Variants in NTM observed in about 807,000 individuals in gnomAD.
The protein encoded by NTM is neurotrimin.
NTM carries 13 observed loss-of-function variants against 42.1 expected under a neutral mutation model. The observed-to-expected ratio is 0.31, with a 90% confidence interval of 0.20 to 0.49. The LOEUF (loss-of-function observed/expected upper bound fraction) is 0.49, where lower values mean the gene tolerates loss of function less well. NTM is among the 20% of genes least tolerant of loss of function. NTM has a pLI of 0.99. For synonymous variants in NTM, 187 were observed against 179.2 expected, an observed-to-expected ratio of 1.04 and a Z score of -0.35; for missense variants, 373 against 452.8, an observed-to-expected ratio of 0.82 and a Z score of 1.60.
intron 2 of NTM, among the ~76,000 whole-genome samples, chr11:131,979,236 TC>T (rs1424027812): frequency 2.0e-5 from 3 of 152,200 alleles, no homozygotes; most frequent in Non-Finnish European, 4.4e-5. Flanking sequence ...GTATAATCCT[TC>T]CTTCAGTGCC....
At chr11:131,612,794 A>G (rs1427459710) in intron 1 of NTM, among the ~76,000 whole-genome samples, 1 of 152,224 alleles carries the variant, frequency 6.6e-6, no homozygotes, top group Non-Finnish European at 1.5e-5. Context: ...GGCCCCACTA[A>G]GAGCAGCCTC....
chr11:131,507,649 G>C (rs1218356205), intron 1 of NTM, among the ~76,000 whole-genome samples: 1 of 148,644 alleles, frequency 6.7e-6, no homozygotes, highest in Non-Finnish European at 1.5e-5. Flanking sequence ...ACCTTGGGCA[G>C]TATGGCCATT....
chr11:131,664,533 C>A (rs2068652008), intron 1 of NTM, among the ~76,000 whole-genome samples: 1 of 152,114 alleles, frequency 6.6e-6, no homozygotes, highest in Admixed American at 6.5e-5. Context: ...GTATGGGCCC[C>A]AGGAAATTAA....
intron 2 of NTM, among the ~76,000 whole-genome samples, chr11:132,011,905 C>G (rs967983611): frequency 6.6e-6 from 1 of 152,312 alleles, no homozygotes; most frequent in African/African-American, 2.4e-5. Flanking sequence ...AATCCCTGTT[C>G]TCTCTCAGTT....
At chr11:132,050,796 G>T (rs1566031740) in intron 2 of NTM, among the ~76,000 whole-genome samples, 2 of 152,224 alleles carry the variant, frequency 1.3e-5, no homozygotes, top group Admixed American at 1.3e-4. Flanking sequence ...AGAGGCAGAG[G>T]CGGAGCTTGC....
chr11:132,240,043 G>A (rs116074028), intron 4 of NTM, among the ~76,000 whole-genome samples: 72 of 143,952 alleles, frequency 5.0e-4, no homozygotes, highest in African/African-American at 1.7e-3. Context: ...TCCATCATCC[G>A]TCCATCCCTC....
chr11:131,648,236 G>A (rs1322565466), intron 1 of NTM, among the ~76,000 whole-genome samples: 3 of 152,134 alleles, frequency 2.0e-5, no homozygotes, highest in Non-Finnish European at 4.4e-5. Flanking sequence ...GATGTACCAT[G>A]TTTTCTTTAT....
At chr11:131,568,865 A>T (rs560370984) in intron 1 of NTM, among the ~76,000 whole-genome samples, 23 of 152,352 alleles carry the variant, frequency 1.5e-4, no homozygotes, top group Admixed American at 1.0e-3. Context: ...CCAGCTGTAT[A>T]CTTAATAGCT....
intron 4 of NTM, among the ~76,000 whole-genome samples, chr11:132,299,091 C>T (rs566152991): frequency 6.6e-6 from 1 of 152,140 alleles, no homozygotes; most frequent in South Asian, 2.1e-4. Context: ...GTCAGGAGGT[C>T]GAGACCATCC....
chr11:132,331,701 C>T (rs568791493), intron 8 of NTM, among the ~76,000 whole-genome samples: 2 of 152,266 alleles, frequency 1.3e-5, no homozygotes, highest in South Asian at 2.1e-4. Flanking sequence ...AATTATGACA[C>T]AGGGTGGTAA....
chr11:132,297,926 GTTCCACAA>G (rs2094685553), intron 4 of NTM, among the ~76,000 whole-genome samples: 2 of 152,196 alleles, frequency 1.3e-5, no homozygotes, highest in Admixed American at 1.3e-4. Flanking sequence ...GAGGTTAACA[GTTCCACAA>G]TTCTCAGATT....
intron 1 of NTM, chr11:131,605,686 C>T (rs2137472525): frequency 3.7e-6 from 2 of 537,828 alleles, no homozygotes; most frequent in East Asian, 1.5e-4. Context: ...TTTGTATGTG[C>T]CCTTTATCAG....
chr11:132,232,542 TC>T (rs1429268378), intron 4 of NTM, among the ~76,000 whole-genome samples: 1 of 152,184 alleles, frequency 6.6e-6, no homozygotes, highest in African/African-American at 2.4e-5. Flanking sequence ...AGCACTTTGG[TC>T]AGAACACTTG....
At chr11:131,556,410 T>C (rs2055417832) in intron 1 of NTM, among the ~76,000 whole-genome samples, 1 of 152,182 alleles carries the variant, frequency 6.6e-6, no homozygotes, top group African/African-American at 2.4e-5. Context: ...TTACTGGAAA[T>C]GATATTTAAT....
intron 1 of NTM, among the ~76,000 whole-genome samples, chr11:131,407,065 A>T (rs1307575552): frequency 6.6e-6 from 1 of 152,206 alleles, no homozygotes; most frequent in Non-Finnish European, 1.5e-5. Context: ...TTGAAGACGC[A>T]AGTCTGTCTC....
chr11:131,713,932 T>A (rs2077419950), intron 1 of NTM, among the ~76,000 whole-genome samples: 1 of 152,198 alleles, frequency 6.6e-6, no homozygotes, highest in African/African-American at 2.4e-5. Flanking sequence ...ACCTTTGACT[T>A]GGACTTTGTT....
intron 7 of NTM, among the ~76,000 whole-genome samples, chr11:132,323,611 G>A (rs1490546897): frequency 6.6e-6 from 1 of 152,096 alleles, no homozygotes; most frequent in African/African-American, 2.4e-5. Flanking sequence ...GGAGGAACTG[G>A]TACCATTCCT....
chr11:131,492,766 T>C (rs1355518885), intron 1 of NTM, among the ~76,000 whole-genome samples: 1 of 152,170 alleles, frequency 6.6e-6, no homozygotes, highest in Non-Finnish European at 1.5e-5. Context: ...TTGAGTACCA[T>C]GATGTGAACG....
chr11:131,767,404 A>C (rs2135875385), intron 1 of NTM, among the ~76,000 whole-genome samples: 1 of 152,294 alleles, frequency 6.6e-6, no homozygotes, highest in East Asian at 1.9e-4. Flanking sequence ...CAAAAAGAAA[A>C]AAAGAAAATC....
Sources: gnomAD v4.1 joint callset for allele counts (sites outside exome capture counted in the v4.1 genomes callset) on GRCh38, gnomAD v4.1.1 for gene constraint, MANE v1.5 for transcripts, NCBI Gene and HGNC (gene_info 2026-07-23, HGNC 2026-07-21) for gene names.